Variants in SNU13 observed in about 807,000 individuals in gnomAD.
The protein encoded by SNU13 is NHP2-like protein 1.
SNU13 carries 2 observed loss-of-function variants against 12.4 expected under a neutral mutation model. The ratio of observed to expected loss-of-function variants is 0.16; its 90% CI spans 0.07 to 0.51. SNU13 has a LOEUF of 0.51. SNU13 is among the 20% of genes least tolerant of loss of function. The probability of loss-of-function intolerance (pLI) is 0.96; values close to 1 mark genes in which losing one functional copy is unlikely to be tolerated. For synonymous variants in SNU13, 68 were observed against 66.5 expected, an observed-to-expected ratio of 1.02 and a Z score of -0.11; for missense variants, 66 against 157.8, an observed-to-expected ratio of 0.42 and a Z score of 3.12.
upstream of SNU13, among the ~76,000 whole-genome samples, chr22:41,690,211 A>G (rs192974819): frequency 1.1e-3 from 166 of 152,346 alleles, 2 homozygotes; most frequent in Admixed American, 6.0e-3. Flanking sequence ...TGAGTGGTTA[A>G]ACAAGAATAC....
At chr22:41,688,345 G>C (rs1310797822) in intron 1 of SNU13, 3 of 156,334 alleles carry the variant, frequency 1.9e-5, no homozygotes, top group Non-Finnish European at 4.2e-5. Flanking sequence ...CCAGCAACGG[G>C]GGTGGGGTGA....
chr22:41,686,064 C>A (rs1034631636), intron 1 of SNU13, among the ~76,000 whole-genome samples: 3 of 152,124 alleles, frequency 2.0e-5, no homozygotes, highest in Non-Finnish European at 4.4e-5. Context: ...CTCGCCTCAG[C>A]CTCCCAATTT....
chr22:41,678,465 A>T (rs1229232087), intron 2 of SNU13, among the ~76,000 whole-genome samples: 1 of 152,196 alleles, frequency 6.6e-6, no homozygotes, highest in Non-Finnish European at 1.5e-5. Context: ...AAGTACGGAA[A>T]ATTGTTGCAT....
intron 1 of SNU13, chr22:41,682,384 C>A: frequency 1.2e-6 from 2 of 1,613,962 alleles, no homozygotes; most frequent in Non-Finnish European, 1.7e-6. Flanking sequence ...AGTCTCTTGC[C>A]GGACACCGCG....
chr22:41,675,033 G>T lies in SNU13; in HGVS notation c.287C>A (p.Ser96Tyr). The change falls in exon 3 of 3, where the codon TCC becomes TAC. Residue 96 changes from serine (S) to tyrosine (Y), a missense_variant. Coordinates refer to ENST00000401959, the MANE Select transcript of SNU13 (RefSeq NM_001003796.2). ...KQALGRACGV[S>Y]RPVIACSVTI... ...GACAGAACAGGCGATGACAGGCCTG[G>T]AGACCCCACAGGCTCTCCCCAGGGC... 6.2e-7 allele frequency: 1 copy of T among 1,614,120 alleles called. No homozygotes were observed. The highest frequency in any genetic ancestry group is 1.1e-5 in the South Asian group (1 of 91,076).
intron 1 of SNU13, among the ~76,000 whole-genome samples, chr22:41,684,935 T>C (rs1196761824): frequency 6.6e-6 from 1 of 152,052 alleles, no homozygotes; most frequent in East Asian, 1.9e-4. Context: ...TGGGTGGCTC[T>C]CTTGAGGTCA....
chr22:41,680,486 A>G, intron 1 of SNU13, 122 bp from the exon 2 acceptor site: 4 of 961,172 alleles, frequency 4.2e-6, no homozygotes, highest in Non-Finnish European at 6.0e-6. Flanking sequence ...ACCCTCAAAC[A>G]CACAAAACAC....
intron 2 of SNU13, among the ~76,000 whole-genome samples, chr22:41,675,488 C>T (rs1224938333): frequency 6.6e-6 from 1 of 151,630 alleles, no homozygotes; most frequent in Admixed American, 6.6e-5. Flanking sequence ...GTGGTGCGAT[C>T]TTGGCTCACT....
intron 1 of SNU13, among the ~76,000 whole-genome samples, chr22:41,688,569 C>T (rs2068331235): frequency 6.6e-6 from 1 of 152,208 alleles, no homozygotes; most frequent in Non-Finnish European, 1.5e-5. Flanking sequence ...GACCGTGCGG[C>T]AAAGCAACAC....
upstream of SNU13, chr22:41,690,457 A>G (rs191250301): frequency 5.5e-6 from 4 of 725,004 alleles, no homozygotes; most frequent in African/African-American, 1.7e-5. Flanking sequence ...CATGCTAACC[A>G]GGCCTGGCAC....
At chr22:41,683,060 T>A (rs2068280284) in intron 1 of SNU13, among the ~76,000 whole-genome samples, 1 of 152,124 alleles carries the variant, frequency 6.6e-6, no homozygotes, top group Non-Finnish European at 1.5e-5. Context: ...AGTGTAGTGG[T>A]GGCATCTTGG....
At chr22:41,683,767 G>A (rs887910158) in intron 1 of SNU13, among the ~76,000 whole-genome samples, 1 of 152,172 alleles carries the variant, frequency 6.6e-6, no homozygotes, top group African/African-American at 2.4e-5. Context: ...ATGCATGACA[G>A]TGACTAATTC....
upstream of SNU13, chr22:41,690,289 GGAA>G: frequency 1.6e-5 from 10 of 643,494 alleles, no homozygotes; most frequent in South Asian, 1.8e-4. Flanking sequence ...GTATTTCATA[GGAA>G]GAAAGAAATC....
intron 2 of SNU13, among the ~76,000 whole-genome samples, chr22:41,676,931 T>C (rs559605036): frequency 1.1e-3 from 160 of 152,328 alleles, no homozygotes; most frequent in African/African-American, 3.6e-3. Flanking sequence ...CTTTTTCATC[T>C]TTTACCTCAC....
intron 1 of SNU13, among the ~76,000 whole-genome samples, chr22:41,687,114 G>A (rs913860552): frequency 2.6e-4 from 40 of 151,242 alleles, no homozygotes; most frequent in African/African-American, 9.0e-4. Flanking sequence ...CCACCACCAC[G>A]CCTGGCTAAT....
chr22:41,677,717 C>T (rs1266802778), intron 2 of SNU13, among the ~76,000 whole-genome samples: 1 of 152,168 alleles, frequency 6.6e-6, no homozygotes, highest in Non-Finnish European at 1.5e-5. Context: ...ATTGTACTCA[C>T]TGCTAACAGT....
In SNU13 at chr22:41,674,676, T is replaced by G; in HGVS notation, c.*257A>C. ...CTGCCTTTCAACGGTGCCACCACCC[T>G]GCTTCTGTCTGCTCTGAACACTTGT... On this transcript the variant is annotated 3_prime_UTR_variant, in exon 3 of 3. Coordinates refer to ENST00000401959, the MANE Select transcript of SNU13 (RefSeq NM_001003796.2). 2.2e-6 allele frequency: 1 copy of G among 451,580 alleles called. No individual in the cohort carries two copies. Among genetic ancestry groups the G allele is most frequent in the Non-Finnish European group, 4.0e-6 (1 of 252,134 alleles). 28.0% of individuals were successfully genotyped at this position (451,580 alleles called of 1,614,324 possible). A position where few individuals can be genotyped will look rare whatever the true frequency, so the allele number is the denominator to read the frequency against.
upstream of SNU13, chr22:41,690,425 C>T (rs772979049): frequency 8.3e-6 from 6 of 719,604 alleles, no homozygotes; most frequent in Non-Finnish European, 1.6e-5. Flanking sequence ...TTCCCCAATA[C>T]TGTCCTTACC....
Position 41,674,833 on chromosome 22 carries a change from C to A in SNU13, c.*100G>T. 6.8e-7 allele frequency: 1 copy of A among 1,465,490 alleles called. No individual in the cohort carries two copies. The highest frequency in any genetic ancestry group is 1.3e-5 in the South Asian group (1 of 74,822). 90.8% of individuals were successfully genotyped at this position (1,465,490 alleles called of 1,614,324 possible). A position where few individuals can be genotyped will look rare whatever the true frequency, so the allele number is the denominator to read the frequency against. On this transcript the variant is annotated 3_prime_UTR_variant, in exon 3 of 3. Coordinates refer to ENST00000401959, the MANE Select transcript of SNU13 (RefSeq NM_001003796.2). ...CCAGATTTAGTACTACATTTTATAA[C>A]AATAGAGAGTAGCTGAAAATACTAC...
Sources: allele counts gnomAD v4.1 joint callset (sites outside exome capture counted in the v4.1 genomes callset), GRCh38; gene constraint gnomAD v4.1.1; transcripts MANE v1.5; gene names NCBI Gene and HGNC (gene_info 2026-07-23, HGNC 2026-07-21).